The following CCDC171 variants were observed in gnomAD, a reference collection of about 807,000 sequenced individuals.
CCDC171 encodes the protein coiled-coil domain-containing protein 171.
In CCDC171, 177 loss-of-function variants were observed where a neutral mutation model predicts 168.2. The ratio of observed to expected loss-of-function variants is 1.05; its 90% CI spans 0.93 to 1.19. CCDC171 has a LOEUF of 1.19. CCDC171 is among the 50% of genes most tolerant of loss of function. The pLI is 0.00. For missense variants in CCDC171, 1,991 were observed against 1,539.0 expected (o/e 1.29, Z -4.91); for synonymous variants, 687 against 540.8 (o/e 1.27, Z -3.75).
chr9:15,829,927 G>A (rs916219074), intron 21 of CCDC171, among the ~76,000 whole-genome samples: 5 of 152,146 alleles, frequency 3.3e-5, no homozygotes, highest in African/African-American at 1.2e-4. Context: ...TCAAAAAAAT[G>A]TGCAATAATG....
chr9:15,775,089 C>T (rs1224198462), intron 18 of CCDC171, among the ~76,000 whole-genome samples: 2 of 135,500 alleles, frequency 1.5e-5, no homozygotes, highest in African/African-American at 5.5e-5. Flanking sequence ...ACCTGTTCCT[C>T]CAAAACCTAT....
chr9:15,751,488 C>T (rs1390815759), intron 18 of CCDC171, among the ~76,000 whole-genome samples: 2 of 152,162 alleles, frequency 1.3e-5, no homozygotes, highest in Admixed American at 1.3e-4. Context: ...GCAAAAAGAG[C>T]AAAGCTGGAG....
At chr9:15,726,919 C>G (rs1273864641) in intron 14 of CCDC171, among the ~76,000 whole-genome samples, 1 of 152,026 alleles carries the variant, frequency 6.6e-6, no homozygotes, top group African/African-American at 2.4e-5. Context: ...TGCTTTGGGA[C>G]TTTACAGATG....
At chr9:15,908,932 A>G (rs540398274) in intron 24 of CCDC171, among the ~76,000 whole-genome samples, 1 of 152,300 alleles carries the variant, frequency 6.6e-6, no homozygotes, top group East Asian at 1.9e-4. Context: ...TTACAATTCA[A>G]CATGAGACTT....
chr9:15,623,165 A>T (rs7863088), intron 6 of CCDC171, 102 bp from the exon 7 acceptor site: 1 of 712,044 alleles, frequency 1.4e-6, no homozygotes, highest in Non-Finnish European at 2.2e-6. Flanking sequence ...CTATTATTAT[A>T]GTTGAAGCAC....
intron 3 of CCDC171, among the ~76,000 whole-genome samples, chr9:16,019,662 T>C (rs1183502043): frequency 6.6e-6 from 1 of 152,206 alleles, no homozygotes; most frequent in Non-Finnish European, 1.5e-5. Context: ...CCATATTTTC[T>C]AGATTTTCTA....
chr9:15,587,951 A>G (rs749932751), intron 4 of CCDC171, among the ~76,000 whole-genome samples: 1 of 152,176 alleles, frequency 6.6e-6, no homozygotes, highest in Non-Finnish European at 1.5e-5. Flanking sequence ...AATTAAAAAT[A>G]TGAGGCCAGG....
intron 4 of CCDC171, among the ~76,000 whole-genome samples, chr9:15,580,345 A>T (rs1019193111): frequency 1.3e-4 from 20 of 152,214 alleles, no homozygotes; most frequent in African/African-American, 4.8e-4. Flanking sequence ...CAAATGCAAC[A>T]AAAACAAAGA....
At chr9:16,072,330 TC>T in the CCDC171 span, among the ~76,000 whole-genome samples, 1 of 152,176 alleles carries the variant, frequency 6.6e-6, no homozygotes. Context: ...TTACCTATGC[TC>T]CTCCTGGTCT....
At chr9:15,566,042 C>T (rs991980803) in intron 2 of CCDC171, among the ~76,000 whole-genome samples, 1 of 152,086 alleles carries the variant, frequency 6.6e-6, no homozygotes, top group Non-Finnish European at 1.5e-5. Context: ...TCAATTTAGC[C>T]ATTTTGGTGA....
At chr9:15,812,499 C>G (rs1229048302) in intron 21 of CCDC171, among the ~76,000 whole-genome samples, 1 of 152,052 alleles carries the variant, frequency 6.6e-6, no homozygotes, top group African/African-American at 2.4e-5. Flanking sequence ...TAACCTTAAA[C>G]AAAATTTGGG....
At chr9:15,951,853 A>G (rs1039950144) in intron 25 of CCDC171, among the ~76,000 whole-genome samples, 4 of 152,112 alleles carry the variant, frequency 2.6e-5, no homozygotes, top group African/African-American at 7.2e-5. Context: ...GATGCACACA[A>G]TTTAAAAATT....
chr9:16,061,841 A>C (rs1833935621), downstream of CCDC171, among the ~76,000 whole-genome samples: 2 of 152,172 alleles, frequency 1.3e-5, no homozygotes, highest in South Asian at 4.1e-4. Context: ...TCAGGTTGGG[A>C]TAACTCGGAG....
chr9:15,973,067 TA>T lies in CCDC171; in HGVS notation c.*1234del, dbSNP rs2132834403. The T allele has an allele frequency of 6.6e-6, 1 of 152,304 alleles. No homozygotes were observed. The highest frequency in any genetic ancestry group is 1.5e-5 in the Non-Finnish European group (1 of 68,014). 9.4% of individuals were successfully genotyped at this position (152,304 alleles called of 1,614,324 possible). ...CAGAAGATCAGACATTGACATTGAT[TA>T]AACTCTTTAACCCTTAAAGGTTAAA... is the stretch of plus-strand genomic sequence containing the variant. On this transcript the variant is annotated 3_prime_UTR_variant, in exon 26 of 26. Transcript: ENST00000380701.
At chr9:15,571,986 T>C (rs1277205499) in intron 3 of CCDC171, among the ~76,000 whole-genome samples, 2 of 152,212 alleles carry the variant, frequency 1.3e-5, no homozygotes, top group Non-Finnish European at 2.9e-5. Flanking sequence ...AGATTTATTT[T>C]AATTAATGGG....
chr9:16,068,004 G>A, the CCDC171 span, among the ~76,000 whole-genome samples: 2 of 151,516 alleles, frequency 1.3e-5, no homozygotes, highest in Non-Finnish European at 2.9e-5. Flanking sequence ...TTAGGAAAAG[G>A]GGAAGTCAAA....
At chr9:15,601,878 G>A (rs552616787) in intron 6 of CCDC171, among the ~76,000 whole-genome samples, 2 of 152,200 alleles carry the variant, frequency 1.3e-5, no homozygotes, top group African/African-American at 2.4e-5. Context: ...TCAAAGGCCT[G>A]TGTATAAATA....
chr9:15,662,622 G>A (rs4445326), intron 8 of CCDC171, among the ~76,000 whole-genome samples: 143,010 of 152,236 alleles, frequency 0.94, 67,240 homozygotes, highest in East Asian at 1. Flanking sequence ...ATTATTGTAT[G>A]TATCTTGAGC....
At chr9:15,731,116 ATTG>A (rs1004471649) in intron 16 of CCDC171, among the ~76,000 whole-genome samples, 1 of 152,054 alleles carries the variant, frequency 6.6e-6, no homozygotes, top group African/African-American at 2.4e-5. Flanking sequence ...TACACAATAT[ATTG>A]TTGTTAATAA....
Sources: gnomAD v4.1 joint callset for allele counts (sites outside exome capture counted in the v4.1 genomes callset) on GRCh38, gnomAD v4.1.1 for gene constraint, MANE v1.5 for transcripts, NCBI Gene and HGNC (gene_info 2026-07-23, HGNC 2026-07-21) for gene names.